The following SCAI variants were observed in gnomAD, a reference collection of about 807,000 sequenced individuals.
The protein encoded by SCAI is suppressor of cancer cell invasion, also known as protein SCAI.
In SCAI, 24 loss-of-function variants were observed where a neutral mutation model predicts 92.2. The observed-to-expected ratio is 0.26, with a 90% CI of 0.19 to 0.37. SCAI has a LOEUF of 0.37. Ranked by LOEUF, SCAI falls within the 10% of genes least tolerant of loss-of-function variation. The pLI, the probability that SCAI is intolerant of heterozygous loss-of-function variation, is 1.00. For synonymous variants in SCAI, 261 were observed against 258.6 expected (o/e 1.01, Z -0.09); for missense variants, 450 against 736.2 (o/e 0.61, Z 4.50).
chr9:124,965,246 C>T (rs550621821), intron 17 of SCAI, among the ~76,000 whole-genome samples: 20 of 151,696 alleles, frequency 1.3e-4, no homozygotes, highest in Non-Finnish European at 2.5e-4. Flanking sequence ...GTGTGTATGT[C>T]GGGGGGGAAT....
At chr9:125,085,705 C>T (rs1277284760) in intron 2 of SCAI, among the ~76,000 whole-genome samples, 2 of 152,124 alleles carry the variant, frequency 1.3e-5, no homozygotes, top group African/African-American at 4.8e-5. Flanking sequence ...CACTTGAGCT[C>T]AGGAGGCTGA....
At chr9:125,041,999 T>C (rs1221640001) in intron 3 of SCAI, among the ~76,000 whole-genome samples, 1 of 152,326 alleles carries the variant, frequency 6.6e-6, no homozygotes, top group East Asian at 1.9e-4. Flanking sequence ...ACTCCTCTAC[T>C]ACTCAGAGCT....
intron 14 of SCAI, 104 bp downstream of exon 14, chr9:124,994,830 A>G: frequency 1.5e-6 from 1 of 659,380 alleles, no homozygotes. Flanking sequence ...AAACTGTGTA[A>G]AATTAAATAA....
At position 124,949,790 on chromosome 9, in the gene SCAI, A is replaced by C. The variant is rs1831204787; in HGVS notation, c.*3017T>G. ...CTAGAATGTAAGCTTCATGAACATG[A>C]GGATTTTTAAGTCTATTTTGTTTGC... On this transcript the variant is annotated 3_prime_UTR_variant, in exon 18 of 18. Coordinates refer to ENST00000336505, the MANE Select transcript of SCAI (RefSeq NM_001144877.3). This position sits in a 1 kb window ranked among gnomAD's most constrained non-coding sequence, Gnocchi z 4.0. The C allele has an allele frequency of 6.6e-6, 1 of 152,248 alleles. No individual in the cohort carries two copies. 9.4% of individuals were successfully genotyped at this position (152,248 alleles called of 1,614,324 possible).
rs1831190920 is a variant in SCAI, at chr9:124,948,735, T to G, written c.*4072A>C. On this transcript the variant is annotated 3_prime_UTR_variant, in exon 18 of 18. Transcript: ENST00000336505. ...AACTGACTTCTTGCAGTCTTATGCT[T>G]TCTATGTTGTTTACAGTGATAGTTA... 1 of 152,196 alleles carries G rather than the reference T, an allele frequency of 6.6e-6. No homozygotes were observed. Among genetic ancestry groups the G allele is most frequent in the Non-Finnish European group, 1.5e-5 (1 of 68,038 alleles). 9.4% of individuals were successfully genotyped at this position (152,196 alleles called of 1,614,324 possible).
chr9:125,084,619 C>T (rs564224010), intron 2 of SCAI, among the ~76,000 whole-genome samples: 62 of 152,236 alleles, frequency 4.1e-4, no homozygotes, highest in Non-Finnish European at 6.0e-4. Context: ...CCTAGAGGGG[C>T]GGCCTTTTTC....
At chr9:125,125,850 G>T (rs993364688) in intron 2 of SCAI, among the ~76,000 whole-genome samples, 1 of 136,234 alleles carries the variant, frequency 7.3e-6, no homozygotes. Context: ...AAAAAAAAAA[G>T]ATAGCTGCTT....
rs1254529492 is a variant in SCAI at position 125,015,364 on chromosome 9, C to T, written c.861+3435G>A. Among the ~76,000 whole-genome samples, 26 of 152,076 alleles carry T rather than the reference C, an allele frequency of 1.7e-4. No homozygotes were observed. The South Asian group carries it at 1.9e-3, about 11-fold the overall frequency. Reference sequence around the variant, plus strand: ...AAAAACAAACAACCCCATCAAAAAGCGGGTGAAGGACATGAACAGACACTT... The same window carrying T: ...AAAAACAAACAACCCCATCAAAAAGTGGGTGAAGGACATGAACAGACACTT... On this transcript the variant is annotated intron_variant, in intron 9 of 17. Transcript: ENST00000336505.
intron 6 of SCAI, among the ~76,000 whole-genome samples, chr9:125,024,274 G>T (rs1387697658): frequency 6.7e-6 from 1 of 150,176 alleles, no homozygotes; most frequent in African/African-American, 2.4e-5. Context: ...GGCTTTTTAT[G>T]AAGTTTTTTT....
intron 2 of SCAI, among the ~76,000 whole-genome samples, chr9:125,063,601 T>C (rs1038821371): frequency 1.3e-5 from 2 of 151,750 alleles, no homozygotes; most frequent in Non-Finnish European, 2.9e-5. Flanking sequence ...GTATGGAAAA[T>C]ACATATCTTG....
intron 2 of SCAI, among the ~76,000 whole-genome samples, chr9:125,109,653 TTATCTATCTATCTATC>T (rs61141143): frequency 4.1e-5 from 6 of 147,942 alleles, no homozygotes; most frequent in Admixed American, 1.3e-4. Context: ...AGGTTTCCAT[TTATCTATCTATCTATC>T]TATCTATCTA....
intron 9 of SCAI, among the ~76,000 whole-genome samples, chr9:125,004,529 A>C (rs1038542248): frequency 1.3e-5 from 2 of 150,428 alleles, no homozygotes; most frequent in African/African-American, 4.9e-5. Context: ...GGGTTTCACC[A>C]TGTTGGCCAG....
chr9:125,048,978 C>T (rs1262541358), intron 3 of SCAI, among the ~76,000 whole-genome samples: 1 of 152,066 alleles, frequency 6.6e-6, no homozygotes, highest in Admixed American at 6.6e-5. Flanking sequence ...CTCCTGACCT[C>T]AGGTGATCTG....
intron 9 of SCAI, among the ~76,000 whole-genome samples, chr9:125,013,305 A>C (rs1042804967): frequency 9.9e-5 from 15 of 152,136 alleles, no homozygotes; most frequent in African/African-American, 3.4e-4. Context: ...AGAAGAAAAG[A>C]GAGAAGAATC....
At chr9:125,116,011 A>T (rs1310799419) in intron 2 of SCAI, among the ~76,000 whole-genome samples, 1 of 152,200 alleles carries the variant, frequency 6.6e-6, no homozygotes, top group Non-Finnish European at 1.5e-5. Context: ...CCTGGCCAAC[A>T]TCGTGAAATC....
chr9:125,021,309 A>G (rs2131074826), intron 6 of SCAI, among the ~76,000 whole-genome samples: 1 of 152,298 alleles, frequency 6.6e-6, no homozygotes, highest in Admixed American at 6.5e-5. Flanking sequence ...AATTACATTT[A>G]ATGTCATTAT....
At chr9:125,136,821 T>C (rs925287708) in intron 2 of SCAI, among the ~76,000 whole-genome samples, 5 of 148,444 alleles carry the variant, frequency 3.4e-5, no homozygotes, top group African/African-American at 1.0e-4. Context: ...CAGGCTAGAG[T>C]GCAGCGATCT....
chr9:125,122,588 C>CA (rs34757267), intron 2 of SCAI, among the ~76,000 whole-genome samples: 10,206 of 59,658 alleles, frequency 0.17, 1,945 homozygotes, highest in Non-Finnish European at 0.25. Context: ...GACTCCATCT[C>CA]AAAAAAAAAA....
chr9:125,022,255 G>C (rs367569681), intron 6 of SCAI, among the ~76,000 whole-genome samples: 3 of 151,980 alleles, frequency 2.0e-5, no homozygotes, highest in African/African-American at 7.3e-5. Flanking sequence ...ATATTTTCCT[G>C]AATTGTTCCT....
Sources: allele counts gnomAD v4.1 joint callset (sites outside exome capture counted in the v4.1 genomes callset), GRCh38; gene constraint gnomAD v4.1.1; non-coding constraint Gnocchi (gnomAD v3.1); transcripts MANE v1.5; gene names NCBI Gene and HGNC (gene_info 2026-07-23, HGNC 2026-07-21).